Variants in SH3BP2 observed in about 807,000 individuals in gnomAD.
SH3BP2 encodes the protein SH3 domain binding protein 2, also known as SH3 domain-binding protein 2.
SH3BP2 carries 38 observed loss-of-function variants against 56.2 expected under a neutral mutation model. The ratio of observed to expected loss-of-function variants is 0.68; its 90% CI spans 0.52 to 0.89. The LOEUF (loss-of-function observed/expected upper bound fraction) is 0.89, where lower values mean the gene tolerates loss of function less well. SH3BP2 is among the 40% of genes least tolerant of loss of function. The probability of loss-of-function intolerance (pLI) is 0.00; values close to 1 mark genes in which losing one functional copy is unlikely to be tolerated. For missense variants in SH3BP2, 748 were observed against 762.6 expected (o/e 0.98, Z 0.23); for synonymous variants, 346 against 316.7 (o/e 1.09, Z -0.98).
intron 1 of SH3BP2, among the ~76,000 whole-genome samples, chr4:2,811,296 G>A (rs1015041790): frequency 5.9e-5 from 9 of 152,308 alleles, no homozygotes; most frequent in East Asian, 5.8e-4. Flanking sequence ...ATTTCGGGGG[G>A]CCGTGCCCTA....
chr4:2,822,270 C>G (rs759350851), intron 2 of SH3BP2, among the ~76,000 whole-genome samples: 3 of 152,228 alleles, frequency 2.0e-5, no homozygotes, highest in African/African-American at 4.8e-5. Context: ...ATCCTCCCAC[C>G]TCAGCCTCCC....
At position 2,810,653 on chromosome 4, in the gene SH3BP2, T is replaced by C. The variant is rs1365184628; in HGVS notation, c.-4-9961T>C. On this transcript the variant is annotated intron_variant, in intron 1 of 12. Coordinates refer to ENST00000503393, the MANE Select transcript of SH3BP2 (RefSeq NM_001122681.2). This position sits in a 1 kb window ranked among gnomAD's most constrained non-coding sequence, Gnocchi z 4.2. The stretch of plus-strand genomic sequence containing the variant: ...GGTGTGCTCACCCCAAGCCCCTTCC[T>C]CCCGTGGCTCCCTCACCCCAGCTCC... 6.6e-6 allele frequency among the ~76,000 whole-genome samples: 1 copy of C among 151,662 alleles called. No homozygotes were observed. Among genetic ancestry groups the C allele is most frequent in the Non-Finnish European group, 1.5e-5 (1 of 67,888 alleles).
rs761864704 is a variant in SH3BP2 at position 2,831,655 on chromosome 4, C to T, written c.1326C>T (p.Asp442=). Residue 442 remains aspartate, a synonymous_variant, in exon 9 of 13, where the codon GAC becomes GAT. Coordinates refer to ENST00000503393, the MANE Select transcript of SH3BP2 (RefSeq NM_001122681.2). The surrounding 1 kb of genome is among the most constrained non-coding windows in gnomAD (Gnocchi z 4.1). ...RQPSQADTGG[D]DSDEDYEKVP... ...CCTCACAGGCTGACACTGGCGGGGA[C>T]GACTCGGACGAGGACTATGAGAAGG... 2.3e-5 allele frequency: 36 copies of T among 1,590,270 alleles called. No individual in the cohort carries two copies. The highest frequency in any genetic ancestry group is 1.7e-4 in the Middle Eastern group (1 of 6,060).
intron 12 of SH3BP2, 29 bp downstream of exon 12, chr4:2,833,078 C>A: frequency 6.2e-7 from 1 of 1,609,018 alleles, no homozygotes; most frequent in Non-Finnish European, 8.5e-7. Flanking sequence ...GGACGGGGAC[C>A]CTGGCCGCAT....
intron 1 of SH3BP2, chr4:2,818,607 C>A: frequency 1.6e-6 from 1 of 641,348 alleles, no homozygotes; most frequent in Non-Finnish European, 2.0e-6. Context: ...GGGCAGCTCC[C>A]CGCGGGCGGA....
rs1725241969 is a variant in SH3BP2 at position 2,836,616 on chromosome 4, C to T, written c.*2782C>T. On this transcript the variant is annotated 3_prime_UTR_variant, in exon 13 of 13. Coordinates refer to ENST00000503393, the MANE Select transcript of SH3BP2 (RefSeq NM_001122681.2). ...CCCTGCCAGGCTCCCTGCCACCCCT[C>T]ACGACCTCTGATGGTCGTTGTGGGG... 1 of 152,368 alleles carries T rather than the reference C, an allele frequency of 6.6e-6. No homozygotes were observed. The highest frequency in any genetic ancestry group is 1.5e-5 in the Non-Finnish European group (1 of 68,128). The allele number at this position is 152,368 out of a possible 1,614,324, so 9.4% of individuals were successfully genotyped here.
At chr4:2,798,388 A>T (rs1420777059) in intron 1 of SH3BP2, among the ~76,000 whole-genome samples, 2 of 152,106 alleles carry the variant, frequency 1.3e-5, no homozygotes, top group African/African-American at 4.8e-5. Context: ...CACCATTAGG[A>T]GGGCAATGGG....
intron 1 of SH3BP2, among the ~76,000 whole-genome samples, chr4:2,800,466 C>T (rs1280200448): frequency 1.3e-5 from 2 of 152,162 alleles, no homozygotes; most frequent in African/African-American, 2.4e-5. Context: ...GGGGCAGACA[C>T]CGGCGGGCTT....
At position 2,838,731 on chromosome 4, in the gene SH3BP2, A is replaced by G. The variant is rs965277018; in HGVS notation, c.*4897A>G. 3 of 151,964 alleles carry G rather than the reference A, an allele frequency of 2.0e-5. No individual in the cohort carries two copies. The highest frequency in any genetic ancestry group is 7.3e-5 in the African/African-American group (3 of 41,278). The allele number at this position is 151,964 out of a possible 1,614,324, so 9.4% of individuals were successfully genotyped here. On this transcript the variant is annotated 3_prime_UTR_variant, in exon 13 of 13. Transcript: ENST00000503393. ...TCTTCCGGTATGGTCCATGGAAGCC[A>G]AAAGATTGGACATGCCTGCTGTAGA...
At chr4:2,797,973 T>C (rs1218738768) in intron 1 of SH3BP2, among the ~76,000 whole-genome samples, 1 of 152,160 alleles carries the variant, frequency 6.6e-6, no homozygotes, top group Non-Finnish European at 1.5e-5. Context: ...TGCCGCCCAG[T>C]TGGTGGAGTT....
intron 2 of SH3BP2, among the ~76,000 whole-genome samples, chr4:2,821,567 T>C (rs898499796): frequency 6.6e-6 from 1 of 152,188 alleles, no homozygotes; most frequent in Non-Finnish European, 1.5e-5. Flanking sequence ...CCTCTTTTAT[T>C]TTATTTTTTC....
chr4:2,805,309 TG>T (rs898254171), intron 1 of SH3BP2, among the ~76,000 whole-genome samples: 1 of 152,178 alleles, frequency 6.6e-6, no homozygotes, highest in Non-Finnish European at 1.5e-5. Context: ...ATGAGGATGC[TG>T]GGGCCGGGAG....
rs1431973178 is a variant in SH3BP2 at position 2,835,188 on chromosome 4, C to T, written c.*1354C>T. ...CCTAAACTGAGGTCAGCACTTGGGC[C>T]CACTGACAGTGACTGACTGGGGGAG... On this transcript the variant is annotated 3_prime_UTR_variant, in exon 13 of 13. Coordinates refer to ENST00000503393, the MANE Select transcript of SH3BP2 (RefSeq NM_001122681.2). 2 of 152,204 alleles carry T rather than the reference C, an allele frequency of 1.3e-5. No individual in the cohort carries two copies. Among genetic ancestry groups the T allele is most frequent in the Non-Finnish European group, 2.9e-5 (2 of 68,090 alleles). 9.4% of individuals were successfully genotyped at this position (152,204 alleles called of 1,614,324 possible). A position where few individuals can be genotyped will look rare whatever the true frequency, so the allele number is the denominator to read the frequency against.
chr4:2,806,147 C>T (rs989166249), intron 1 of SH3BP2, among the ~76,000 whole-genome samples: 2 of 152,214 alleles, frequency 1.3e-5, no homozygotes, highest in Non-Finnish European at 2.9e-5. Context: ...AAAGCCTGCA[C>T]GCTGACCACG....
At position 2,827,215 on chromosome 4, in the gene SH3BP2, C is replaced by T. The variant is rs748054388; in HGVS notation, c.429-15C>T. 7 of 1,613,252 alleles carry T rather than the reference C, an allele frequency of 4.3e-6. No homozygotes were observed. In the Admixed American group the frequency reaches 1.2e-4, roughly 27 times the overall value. On this transcript the variant is annotated splice_polypyrimidine_tract_variant and intron_variant, in intron 5 of 12. Coordinates refer to ENST00000503393, the MANE Select transcript of SH3BP2 (RefSeq NM_001122681.2). ...CTGGTGCTCACCGTCCGCCCCAACG[C>T]ACCCTGCATTGCAGCGACTCCAGCT...
intron 1 of SH3BP2, among the ~76,000 whole-genome samples, chr4:2,804,180 C>T (rs1420350843): frequency 6.6e-6 from 1 of 152,178 alleles, no homozygotes; most frequent in Non-Finnish European, 1.5e-5. Flanking sequence ...CTCTGGGGGT[C>T]TCCTTCTGTC....
intron 5 of SH3BP2, among the ~76,000 whole-genome samples, chr4:2,825,684 C>A (rs932543583): frequency 6.6e-6 from 1 of 152,248 alleles, no homozygotes; most frequent in South Asian, 2.1e-4. Context: ...TTCTGTGTTG[C>A]CGCCATGGGT....
chr4:2,828,850 C>T lies in SH3BP2; in HGVS notation c.587-643C>T, dbSNP rs545957099. Among the ~76,000 whole-genome samples the T allele has an allele frequency of 1.8e-4, 27 of 152,310 alleles. No homozygotes were observed. In the East Asian group the frequency reaches 4.3e-3, roughly 24 times the overall value. On this transcript the variant is annotated intron_variant, in intron 7 of 12. Coordinates refer to ENST00000503393, the MANE Select transcript of SH3BP2 (RefSeq NM_001122681.2). ...GCGCCTGCCCTGTTCCTTGCCAGCC[C>T]GTCCTCCAGGCGCCCCGTGCTCCCG...
chr4:2,793,265 GA>G (rs1380877335), intron 1 of SH3BP2, 127 bp downstream of exon 1: 1 of 142,682 alleles, frequency 7.0e-6, no homozygotes, highest in Non-Finnish European at 1.6e-5. Flanking sequence ...GGTCTCGGGG[GA>G]GTCTCGGGGT....
Sources: gnomAD v4.1 joint callset for allele counts (sites outside exome capture counted in the v4.1 genomes callset) on GRCh38, gnomAD v4.1.1 for gene constraint, Gnocchi (gnomAD v3.1) non-coding constraint, MANE v1.5 for transcripts, NCBI Gene and HGNC (gene_info 2026-07-23, HGNC 2026-07-21) for gene names.